Variants in PPTC7 observed in about 807,000 individuals in gnomAD.
PPTC7 encodes protein phosphatase PTC7 homolog.
In PPTC7, 6 loss-of-function variants were observed where a neutral mutation model predicts 30.8. That is an observed-to-expected ratio of 0.19 (90% CI 0.11 to 0.38). PPTC7 has a LOEUF of 0.38. PPTC7 is among the 10% of genes least tolerant of loss of function. PPTC7 has a pLI of 1.00. For missense variants in PPTC7, 218 were observed against 404.8 expected (o/e 0.54, Z 3.96); for synonymous variants, 163 against 168.1 (o/e 0.97, Z 0.23).
intron 1 of PPTC7, among the ~76,000 whole-genome samples, chr12:110,575,499 A>C (rs2135795463): frequency 6.6e-6 from 1 of 151,852 alleles, no homozygotes; most frequent in East Asian, 1.9e-4. Flanking sequence ...ACACTAGTAC[A>C]AACTCCATTT....
intron 1 of PPTC7, among the ~76,000 whole-genome samples, chr12:110,552,692 G>A (rs2064357616): frequency 6.6e-6 from 1 of 152,082 alleles, no homozygotes; most frequent in Admixed American, 6.5e-5. Flanking sequence ...GTGAAACCCC[G>A]TCTCTACTAA....
At chr12:110,541,271 A>G (rs527745048) in intron 3 of PPTC7, among the ~76,000 whole-genome samples, 1 of 151,964 alleles carries the variant, frequency 6.6e-6, no homozygotes, top group Admixed American at 6.5e-5. Flanking sequence ...GATCCCAGCT[A>G]TTCAGGAGGC....
At chr12:110,548,957 G>A (rs1306316121) in intron 2 of PPTC7, among the ~76,000 whole-genome samples, 4 of 152,174 alleles carry the variant, frequency 2.6e-5, no homozygotes, top group African/African-American at 9.7e-5. Flanking sequence ...ATTCTCACGT[G>A]TTTGGAGAGG....
At chr12:110,543,419 G>A (rs1269864874) in intron 3 of PPTC7, among the ~76,000 whole-genome samples, 1 of 151,330 alleles carries the variant, frequency 6.6e-6, no homozygotes, top group Non-Finnish European at 1.5e-5. Flanking sequence ...ATTAACTAAG[G>A]AGATACATGC....
Position 110,536,036 on chromosome 12 carries a change from A to G in PPTC7, c.*1001T>C, listed in dbSNP as rs2064216171. On this transcript the variant is annotated 3_prime_UTR_variant, in exon 6 of 6. Transcript: ENST00000354300. ...ACTCACTGGATTTGGTGCATGCTCT[A>G]TAGAAAGCAAGGCTACTAATAAAAG... 1 of 152,458 alleles carries G rather than the reference A, an allele frequency of 6.6e-6. No homozygotes were observed. The allele number at this position is 152,458 out of a possible 1,614,324, so 9.4% of individuals were successfully genotyped here. A position where few individuals can be genotyped will look rare whatever the true frequency, so the allele number is the denominator to read the frequency against.
chr12:110,575,700 G>C (rs184830068), intron 1 of PPTC7, among the ~76,000 whole-genome samples: 1 of 141,550 alleles, frequency 7.1e-6, no homozygotes, highest in East Asian at 2.3e-4. Flanking sequence ...TTAATAAACA[G>C]TTATGCTTCT....
At chr12:110,556,886 T>G (rs2064392661) in intron 1 of PPTC7, among the ~76,000 whole-genome samples, 1 of 151,948 alleles carries the variant, frequency 6.6e-6, no homozygotes, top group African/African-American at 2.4e-5. Flanking sequence ...ACCACGAGAA[T>G]GCAGCGCCTC....
At chr12:110,540,323 T>C (rs1387092695) in intron 3 of PPTC7, among the ~76,000 whole-genome samples, 311 of 132,252 alleles carry the variant, frequency 2.4e-3, no homozygotes, top group Non-Finnish European at 3.3e-3. Flanking sequence ...CCCCCCGCCT[T>C]TTTTTTTTTT....
chr12:110,540,314 C>CA (rs1169413039), intron 3 of PPTC7, among the ~76,000 whole-genome samples: 1 of 134,162 alleles, frequency 7.5e-6, no homozygotes, highest in Non-Finnish European at 1.6e-5. Context: ...ATTCCATCCC[C>CA]CCCCGCCTTT....
Position 110,582,924 on chromosome 12 carries a change from C to T in PPTC7, c.108G>A (p.Leu36=). 2 of 1,549,190 alleles carry T rather than the reference C, an allele frequency of 1.3e-6. No individual in the cohort carries two copies. Among genetic ancestry groups the T allele is most frequent in the Non-Finnish European group, 1.7e-6 (2 of 1,146,856 alleles). ...TCCCGAAGCCGCAGCCGGCCGTCACCAGTCCGTAGTCGCCGCCGCCGCCGC... is the reference window on the plus strand; with the variant it reads ...TCCCGAAGCCGCAGCCGGCCGTCACTAGTCCGTAGTCGCCGCCGCCGCCGC... ...AGGGGGGDYG[L]VTAGCGFGKD... Residue 36 remains leucine, a synonymous_variant, in exon 1 of 6, where the codon CTG becomes CTA. Coordinates refer to ENST00000354300, the MANE Select transcript of PPTC7 (RefSeq NM_139283.2).
chr12:110,568,378 G>A (rs1367445122), intron 1 of PPTC7, among the ~76,000 whole-genome samples: 3 of 151,122 alleles, frequency 2.0e-5, no homozygotes, highest in African/African-American at 7.3e-5. Context: ...TCAGCCTCCT[G>A]AGTAGCTGGG....
At chr12:110,542,673 C>CAAAAA (rs765332697) in intron 3 of PPTC7, among the ~76,000 whole-genome samples, 8 of 26,786 alleles carry the variant, frequency 3.0e-4, no homozygotes, top group Non-Finnish European at 4.5e-4. Context: ...GACTCTGTCT[C>CAAAAA]AAAAAAAAAA....
At chr12:110,572,261 T>C (rs529046347) in intron 1 of PPTC7, among the ~76,000 whole-genome samples, 3 of 152,098 alleles carry the variant, frequency 2.0e-5, no homozygotes, top group Admixed American at 6.6e-5. Flanking sequence ...CTGGCCAACA[T>C]AGTGAAACCC....
intron 2 of PPTC7, among the ~76,000 whole-genome samples, chr12:110,549,903 C>G (rs2064337547): frequency 1.3e-5 from 2 of 152,114 alleles, no homozygotes; most frequent in Non-Finnish European, 2.9e-5. Context: ...ACATGTGAAG[C>G]AAGGAGATCA....
At chr12:110,558,188 C>A (rs1306170898) in intron 1 of PPTC7, among the ~76,000 whole-genome samples, 2 of 152,174 alleles carry the variant, frequency 1.3e-5, no homozygotes, top group Non-Finnish European at 2.9e-5. Flanking sequence ...ACTTCAGGTG[C>A]CAGCAGGGCA....
chr12:110,575,037 G>A (rs751996980), intron 1 of PPTC7, among the ~76,000 whole-genome samples: 121 of 145,676 alleles, frequency 8.3e-4, no homozygotes, highest in Non-Finnish European at 1.3e-3. Flanking sequence ...TGATCCACCC[G>A]CCTTGGCCTC....
chr12:110,561,400 G>A (rs568165802), intron 1 of PPTC7, among the ~76,000 whole-genome samples: 148 of 151,768 alleles, frequency 9.8e-4, no homozygotes, highest in African/African-American at 3.4e-3. Flanking sequence ...TGCAACCTTC[G>A]CCTCCCAGGT....
rs1447327408 is a variant in PPTC7, at chr12:110,564,713, A to G, written c.224-12745T>C. The stretch of plus-strand genomic sequence containing the variant: ...CATCATTCCTTTGAATAGCCTGCCA[A>G]GTGTAGAACTGTCTCTTAATTTCTG... On this transcript the variant is annotated intron_variant, in intron 1 of 5. Transcript: ENST00000354300. Among the ~76,000 whole-genome samples the G allele has an allele frequency of 2.0e-5, 3 of 152,104 alleles. No homozygotes were observed. In the East Asian group the frequency reaches 5.8e-4, roughly 29 times the overall value.
At chr12:110,568,672 G>T (rs992657791) in intron 1 of PPTC7, among the ~76,000 whole-genome samples, 3 of 152,186 alleles carry the variant, frequency 2.0e-5, no homozygotes, top group African/African-American at 7.2e-5. Context: ...GGGACTAATA[G>T]GAAGCAACCA....
Sources: gnomAD v4.1 joint callset for allele counts (sites outside exome capture counted in the v4.1 genomes callset) on GRCh38, gnomAD v4.1.1 for gene constraint, MANE v1.5 for transcripts, NCBI Gene and HGNC (gene_info 2026-07-23, HGNC 2026-07-21) for gene names.